ZNF148: variants seen among roughly 807,000 people sequenced by gnomAD.
The protein encoded by ZNF148 is zinc finger protein 148.
In ZNF148, 7 loss-of-function variants were observed where a neutral mutation model predicts 67.7. That is an observed-to-expected ratio of 0.10 (90% confidence interval 0.06 to 0.19). The LOEUF (loss-of-function observed/expected upper bound fraction) is 0.19. Among genes scored for constraint, ZNF148 ranks in the 10% least tolerant of loss-of-function variants. ZNF148 has a pLI of 1.00. For missense variants in ZNF148, 583 were observed against 947.1 expected (o/e 0.62, Z 5.05); for synonymous variants, 333 against 330.7 (o/e 1.01, Z -0.08).
chr3:125,298,537 T>C (rs937603921), intron 4 of ZNF148, among the ~76,000 whole-genome samples: 9 of 150,946 alleles, frequency 6.0e-5, no homozygotes, highest in African/African-American at 2.2e-4. Flanking sequence ...CGTCATTAAA[T>C]GAATAATGTA....
At chr3:125,263,439 T>C (rs1362725334) in intron 7 of ZNF148, among the ~76,000 whole-genome samples, 1 of 151,656 alleles carries the variant, frequency 6.6e-6, no homozygotes, top group Non-Finnish European at 1.5e-5. Context: ...TAATCCCAGG[T>C]ACTCAGGAGG....
intron 7 of ZNF148, among the ~76,000 whole-genome samples, chr3:125,258,420 C>T (rs964221129): frequency 2.1e-4 from 3 of 14,410 alleles, no homozygotes; most frequent in African/African-American, 9.7e-4. Context: ...GAGACTCCAT[C>T]TCAAAAAAAA....
rs1939590841 is a variant in ZNF148, at chr3:125,301,610, C to A, written c.333+11698G>T. ...TCTTTGTACCTTCCACATGAATGAG[C>A]AAATCAAAGAAGAAAATCATTAACA... is the stretch of plus-strand genomic sequence containing the variant. On this transcript the variant is annotated intron_variant, in intron 4 of 8. Coordinates refer to ENST00000360647, the MANE Select transcript of ZNF148 (RefSeq NM_021964.3). Among the ~76,000 whole-genome samples, 3 of 152,220 alleles carry A rather than the reference C, an allele frequency of 2.0e-5. No individual in the cohort carries two copies. In the South Asian group the frequency reaches 6.2e-4, roughly 32 times the overall value.
chr3:125,360,196 G>A (rs1376541086), intron 1 of ZNF148, among the ~76,000 whole-genome samples: 1 of 151,964 alleles, frequency 6.6e-6, no homozygotes, highest in Non-Finnish European at 1.5e-5. Context: ...CTATTTACCA[G>A]ATCCTATCAG....
intron 1 of ZNF148, among the ~76,000 whole-genome samples, chr3:125,347,363 G>A (rs1941984080): frequency 6.6e-6 from 1 of 152,096 alleles, no homozygotes; most frequent in African/African-American, 2.4e-5. Context: ...AATTGCAAAG[G>A]ACCAAGAAAA....
At chr3:125,316,942 T>C (rs903506114) in intron 3 of ZNF148, among the ~76,000 whole-genome samples, 1 of 152,076 alleles carries the variant, frequency 6.6e-6, no homozygotes, top group Non-Finnish European at 1.5e-5. Context: ...ACAGATAATA[T>C]TTTGGAAAAA....
intron 4 of ZNF148, among the ~76,000 whole-genome samples, chr3:125,291,961 A>G (rs1295776201): frequency 2.0e-5 from 3 of 152,190 alleles, no homozygotes; most frequent in Non-Finnish European, 4.4e-5. Flanking sequence ...AAGGTATAAC[A>G]CAATTAACTG....
intron 7 of ZNF148, among the ~76,000 whole-genome samples, chr3:125,264,137 G>A (rs768936028): frequency 7.2e-5 from 11 of 152,218 alleles, no homozygotes; most frequent in Non-Finnish European, 1.3e-4. Context: ...TCATCTGGCT[G>A]TACAACTGAA....
Position 125,313,295 on chromosome 3 carries a change from A to G in ZNF148, c.333+13T>C. On this transcript the variant is annotated intron_variant, in intron 4 of 8. Coordinates refer to ENST00000360647, the MANE Select transcript of ZNF148 (RefSeq NM_021964.3). ...TGTTTCTAAGTTTAATATCTTATAA[A>G]GGAATTACTTACAGGGACATTAAGT... is the stretch of plus-strand genomic sequence containing the variant. 6.3e-7 allele frequency: 1 copy of G among 1,584,574 alleles called. No individual in the cohort carries two copies.
At chr3:125,351,770 C>T (rs1942162397) in intron 1 of ZNF148, among the ~76,000 whole-genome samples, 2 of 152,064 alleles carry the variant, frequency 1.3e-5, no homozygotes. Context: ...AAAATACATA[C>T]AAATGGCCAA....
chr3:125,251,321 TATAG>T (rs1378417681), intron 7 of ZNF148, among the ~76,000 whole-genome samples: 1 of 152,204 alleles, frequency 6.6e-6, no homozygotes. Context: ...ATTTAAAGCA[TATAG>T]AAAGTACACA....
chr3:125,341,146 T>C (rs1016232625), intron 1 of ZNF148, among the ~76,000 whole-genome samples: 2 of 149,792 alleles, frequency 1.3e-5, no homozygotes, highest in African/African-American at 4.9e-5. Flanking sequence ...GTTTCAACAA[T>C]ATATTAACAA....
chr3:125,355,695 TG>T, intron 1 of ZNF148, among the ~76,000 whole-genome samples: 1 of 150,602 alleles, frequency 6.6e-6, no homozygotes, highest in African/African-American at 2.5e-5. Flanking sequence ...GAGACCAGGC[TG>T]CTCAACACAG....
At chr3:125,371,082 G>C (rs1278311893) in intron 1 of ZNF148, among the ~76,000 whole-genome samples, 3 of 152,098 alleles carry the variant, frequency 2.0e-5, no homozygotes, top group African/African-American at 7.2e-5. Flanking sequence ...GCCGGGCACG[G>C]TGGCTCACGC....
At chr3:125,351,140 G>A (rs769532548) in intron 1 of ZNF148, among the ~76,000 whole-genome samples, 96 of 152,148 alleles carry the variant, frequency 6.3e-4, no homozygotes, top group Non-Finnish European at 1.2e-3. Flanking sequence ...CCAAGAGGTC[G>A]AGACTACAGT....
rs145532752 is a variant in ZNF148 at position 125,232,674 on chromosome 3, C to T, written c.2052G>A (p.Gln684=). 806 of 1,613,826 alleles carry T rather than the reference C, an allele frequency of 5.0e-4. 1 individual carries two copies. The highest frequency in any genetic ancestry group is 6.5e-4 in the Non-Finnish European group (769 of 1,179,804). The change falls in exon 9 of 9, where the codon CAG becomes CAA. Residue 684 remains glutamine (Q), a synonymous_variant. Coordinates refer to ENST00000360647, the MANE Select transcript of ZNF148 (RefSeq NM_021964.3). This position sits in a 1 kb window ranked among gnomAD's most constrained non-coding sequence, Gnocchi z 4.2. ...SHFGLIVGDS[Q]HSFPFSGDET... is the part of the protein sequence containing the mutation. ...CATCACCTGAAAAGGGAAATGAGTGCTGTGAATCACCAACTATTAGTCCAA... is the reference window on the plus strand; with the variant it reads ...CATCACCTGAAAAGGGAAATGAGTGTTGTGAATCACCAACTATTAGTCCAA...
At chr3:125,327,586 T>C (rs1040882925) in intron 2 of ZNF148, among the ~76,000 whole-genome samples, 2 of 152,136 alleles carry the variant, frequency 1.3e-5, no homozygotes, top group Admixed American at 1.3e-4. Flanking sequence ...TTCGGGAGCC[T>C]GAGGTGGATG....
intron 7 of ZNF148, among the ~76,000 whole-genome samples, chr3:125,241,649 A>G (rs1320051525): frequency 1.3e-5 from 2 of 152,278 alleles, no homozygotes; most frequent in East Asian, 1.9e-4. Flanking sequence ...GGAAAGACAT[A>G]CTACAATTTA....
chr3:125,353,985 CTA>C (rs1262130589), intron 1 of ZNF148, among the ~76,000 whole-genome samples: 1 of 151,986 alleles, frequency 6.6e-6, no homozygotes, highest in East Asian at 1.9e-4. Context: ...CCATTAATTG[CTA>C]TATGAGAGTT....
Sources: allele counts gnomAD v4.1 joint callset (sites outside exome capture counted in the v4.1 genomes callset), GRCh38; gene constraint gnomAD v4.1.1; non-coding constraint Gnocchi (gnomAD v3.1); transcripts MANE v1.5; gene names NCBI Gene and HGNC (gene_info 2026-07-23, HGNC 2026-07-21).